SPMIP4: variants seen among roughly 807,000 people sequenced by gnomAD.
SPMIP4 encodes the protein sperm microtubule inner protein 4.
At chr7:25,142,819 A>C in the SPMIP4 span, 2 of 1,504,760 alleles carry the variant, frequency 1.3e-6, no homozygotes, top group Non-Finnish European at 1.8e-6. Flanking sequence ...GGGAAACTAA[A>C]ATATGAACAT....
chr7:25,158,368 CAAAAAAAAA>C, the SPMIP4 span: 3 of 298,654 alleles, frequency 1.0e-5, no homozygotes, highest in South Asian at 7.9e-5. Flanking sequence ...GACTCTGTCT[CAAAAAAAAA>C]AAAAAAAAAA....
the SPMIP4 span, chr7:25,179,431 G>A: frequency 6.0e-6 from 6 of 1,008,130 alleles, no homozygotes; most frequent in South Asian, 1.2e-4. Flanking sequence ...CTGCACAGAC[G>A]TCACAGGCTT....
chr7:25,154,906 A>T, the SPMIP4 span: 1 of 1,072,362 alleles, frequency 9.3e-7, no homozygotes, highest in Non-Finnish European at 1.3e-6. Context: ...CTATTGAGTC[A>T]CACATTTGTG....
At chr7:25,174,025 TTAGGATTTCATGA>T in the SPMIP4 span, among the ~76,000 whole-genome samples, 1 of 152,146 alleles carries the variant, frequency 6.6e-6, no homozygotes, top group African/African-American at 2.4e-5. The surrounding 1 kb of genome is among the most constrained non-coding windows in gnomAD (Gnocchi z 4.5). Context: ...ATGTAATAAT[TTAGGATTTCATGA>T]TAGGATTTCA....
the SPMIP4 span, among the ~76,000 whole-genome samples, chr7:25,150,976 A>G: frequency 6.6e-6 from 1 of 152,164 alleles, no homozygotes; most frequent in Non-Finnish European, 1.5e-5. Context: ...GAAATCTCCC[A>G]TTTACTCTCT....
At chr7:25,176,831 C>G in the SPMIP4 span, among the ~76,000 whole-genome samples, 184 of 152,238 alleles carry the variant, frequency 1.2e-3, 1 homozygote, top group Non-Finnish European at 7.2e-4. This position sits in a 1 kb window ranked among gnomAD's most constrained non-coding sequence, Gnocchi z 4.4. Flanking sequence ...CATTCTTTTT[C>G]TTTATTAGTA....
chr7:25,174,052 T>C, the SPMIP4 span, among the ~76,000 whole-genome samples: 1 of 152,382 alleles, frequency 6.6e-6, no homozygotes, highest in South Asian at 2.1e-4. This position sits in a 1 kb window ranked among gnomAD's most constrained non-coding sequence, Gnocchi z 4.5. Context: ...GATTTCATTA[T>C]AGGCTCCCAT....
the SPMIP4 span, chr7:25,168,185 G>T: frequency 2.1e-6 from 2 of 942,024 alleles, no homozygotes; most frequent in Non-Finnish European, 3.2e-6. Context: ...AATAGTAAGA[G>T]AAATAAGTTT....
At chr7:25,142,514 A>T in the SPMIP4 span, 1 of 944,312 alleles carries the variant, frequency 1.1e-6, no homozygotes. Flanking sequence ...ATTCTTATTT[A>T]AATACTTTAG....
At chr7:25,142,583 T>A in the SPMIP4 span, 1 of 1,427,368 alleles carries the variant, frequency 7.0e-7, no homozygotes, top group Non-Finnish European at 9.7e-7. Context: ...TGTCATAGCA[T>A]TTGTTAAATA....
At chr7:25,142,751 G>T in the SPMIP4 span, 1 of 1,598,426 alleles carries the variant, frequency 6.3e-7, no homozygotes, top group Non-Finnish European at 8.5e-7. Flanking sequence ...GAAGTGTTAG[G>T]AGCGAAGGTT....
chr7:25,171,712 G>A, the SPMIP4 span, among the ~76,000 whole-genome samples: 5 of 152,198 alleles, frequency 3.3e-5, no homozygotes, highest in Non-Finnish European at 7.3e-5. Flanking sequence ...GGGCAGGGCT[G>A]ATCCTGGCAA....
At chr7:25,151,698 G>GC in the SPMIP4 span, 12 of 1,456,190 alleles carry the variant, frequency 8.2e-6, no homozygotes, top group South Asian at 1.2e-5. Context: ...AAAATTTCAG[G>GC]AAAAGCAATA....
the SPMIP4 span, among the ~76,000 whole-genome samples, chr7:25,159,169 A>C: frequency 6.6e-6 from 1 of 152,218 alleles, no homozygotes; most frequent in Non-Finnish European, 1.5e-5. Flanking sequence ...GACGTTATAC[A>C]TGGGGTGCAA....
chr7:25,136,745 G>C, the SPMIP4 span: 1 of 1,614,070 alleles, frequency 6.2e-7, no homozygotes, highest in Non-Finnish European at 8.5e-7. This position sits in a 1 kb window ranked among gnomAD's most constrained non-coding sequence, Gnocchi z 5.7. Context: ...CGGGCAATTC[G>C]TCCTTCCAAC....
the SPMIP4 span, among the ~76,000 whole-genome samples, chr7:25,151,224 AT>A: frequency 0.59 from 85,743 of 145,238 alleles, 26,101 homozygotes; most frequent in Non-Finnish European, 0.68. Context: ...AAACTTTTAG[AT>A]TTTTTTTTTT....
At chr7:25,147,247 T>C in the SPMIP4 span, among the ~76,000 whole-genome samples, 1 of 152,358 alleles carries the variant, frequency 6.6e-6, no homozygotes, top group Non-Finnish European at 1.5e-5. Context: ...TGAGCCGAGA[T>C]TGTGCCACTG....
At chr7:25,125,799 A>C in the SPMIP4 span, 1 of 511,434 alleles carries the variant, frequency 2.0e-6, no homozygotes, top group South Asian at 8.4e-5. Flanking sequence ...CGCCAACAGC[A>C]TCCTAGAGGG....
At chr7:25,172,273 T>C in the SPMIP4 span, among the ~76,000 whole-genome samples, 1 of 152,034 alleles carries the variant, frequency 6.6e-6, no homozygotes, top group Admixed American at 6.5e-5. This position sits in a 1 kb window ranked among gnomAD's most constrained non-coding sequence, Gnocchi z 4.2. Flanking sequence ...TGCTCTGCAG[T>C]GGGAGAAACT....
Sources: gnomAD v4.1 joint callset for allele counts (sites outside exome capture counted in the v4.1 genomes callset) on GRCh38, gnomAD v4.1.1 for gene constraint, Gnocchi (gnomAD v3.1) non-coding constraint, MANE v1.5 for transcripts, NCBI Gene and HGNC (gene_info 2026-07-23, HGNC 2026-07-21) for gene names.